The following MARCHF10 variants were observed in gnomAD, a reference collection of about 807,000 sequenced individuals.
MARCHF10 encodes the protein membrane associated ring-CH-type finger 10.
MARCHF10 carries 64 observed loss-of-function variants against 76.2 expected under a neutral mutation model. The observed-to-expected ratio is 0.84, with a 90% CI of 0.69 to 1.03. The LOEUF is 1.03. MARCHF10 is among the 50% of genes least tolerant of loss of function. MARCHF10 has a pLI of 0.00. For missense variants in MARCHF10, 875 were observed against 958.0 expected, an observed-to-expected ratio of 0.91 and a Z score of 1.14; for synonymous variants, 340 against 357.5, an observed-to-expected ratio of 0.95 and a Z score of 0.55.
chr17:62,775,117 C>A (rs2092524259), intron 3 of MARCHF10, among the ~76,000 whole-genome samples: 1 of 130,096 alleles, frequency 7.7e-6, no homozygotes, highest in African/African-American at 3.5e-5. Context: ...TTTCCCAGGT[C>A]TCCCCCTGGC....
At chr17:62,748,600 T>C (rs2091790213) in intron 4 of MARCHF10, among the ~76,000 whole-genome samples, 1 of 151,976 alleles carries the variant, frequency 6.6e-6, no homozygotes, top group South Asian at 2.1e-4. Flanking sequence ...AAATATTAGC[T>C]GGGTGTGCTG....
chr17:62,704,351 G>A (rs1180554556), intron 10 of MARCHF10, among the ~76,000 whole-genome samples: 1 of 152,124 alleles, frequency 6.6e-6, no homozygotes, highest in Admixed American at 6.5e-5. Context: ...CCGGGGTCGG[G>A]GGTGGCCGCG....
intron 2 of MARCHF10, among the ~76,000 whole-genome samples, chr17:62,789,847 T>C (rs889956335): frequency 2.6e-5 from 4 of 152,074 alleles, no homozygotes; most frequent in Non-Finnish European, 5.9e-5. Context: ...GGCATGAGAA[T>C]TGCTTGAACC....
At chr17:62,773,524 G>A (rs1191822974) in intron 3 of MARCHF10, among the ~76,000 whole-genome samples, 1 of 152,174 alleles carries the variant, frequency 6.6e-6, no homozygotes, top group Admixed American at 6.5e-5. Context: ...TGTGGGATAA[G>A]GAAGGGCTGT....
intron 1 of MARCHF10, among the ~76,000 whole-genome samples, chr17:62,807,327 A>C (rs1174872120): frequency 1.3e-5 from 2 of 151,744 alleles, no homozygotes; most frequent in Admixed American, 6.6e-5. Context: ...AGGTAAGGAG[A>C]TCTTTCAACT....
chr17:62,748,345 C>T (rs561439267), intron 4 of MARCHF10, among the ~76,000 whole-genome samples: 10 of 151,532 alleles, frequency 6.6e-5, no homozygotes, highest in African/African-American at 1.9e-4. Flanking sequence ...TGCAGTGAGC[C>T]GAGATCACAC....
At chr17:62,713,218 A>G (rs2090018857) in intron 8 of MARCHF10, among the ~76,000 whole-genome samples, 2 of 152,138 alleles carry the variant, frequency 1.3e-5, no homozygotes, top group South Asian at 2.1e-4. Flanking sequence ...CCTCCTGCAA[A>G]AGCTGCCAGT....
chr17:62,806,606 G>A (rs1568239769), intron 1 of MARCHF10: 1 of 152,148 alleles, frequency 6.6e-6, no homozygotes, highest in African/African-American at 2.4e-5. Flanking sequence ...AAGGAAGGAG[G>A]GGGTCCTGCC....
chr17:62,719,450 T>G (rs1488166745), intron 8 of MARCHF10, among the ~76,000 whole-genome samples: 3 of 152,234 alleles, frequency 2.0e-5, no homozygotes, highest in Non-Finnish European at 4.4e-5. Context: ...ACTGTAAATA[T>G]TTTGTTTCTC....
intron 4 of MARCHF10, among the ~76,000 whole-genome samples, chr17:62,756,989 G>A (rs921913726): frequency 6.6e-6 from 1 of 152,178 alleles, no homozygotes; most frequent in Non-Finnish European, 1.5e-5. Context: ...TGTTTGTAGA[G>A]GGCATTGATA....
At chr17:62,793,163 CCACCACCTCCATCACTA>C (rs2148153730) in intron 2 of MARCHF10, among the ~76,000 whole-genome samples, 1 of 144,706 alleles carries the variant, frequency 6.9e-6, no homozygotes, top group Admixed American at 6.9e-5. Context: ...ACCATCACCA[CCACCACCTCCATCACTA>C]CCACCACCAC....
At chr17:62,782,947 C>T (rs1205279083) in intron 3 of MARCHF10, among the ~76,000 whole-genome samples, 1 of 152,164 alleles carries the variant, frequency 6.6e-6, no homozygotes, top group Non-Finnish European at 1.5e-5. Context: ...AAGAATATCT[C>T]TAATGCAGAG....
intron 8 of MARCHF10, among the ~76,000 whole-genome samples, chr17:62,719,119 AAAGTGGAAATCACCTTC>A (rs995267351): frequency 2.0e-5 from 3 of 152,222 alleles, no homozygotes; most frequent in African/African-American, 7.2e-5. Flanking sequence ...GACTGCTTAT[AAAGTGGAAATCACCTTC>A]TAGATCAGCC....
chr17:62,716,513 A>G (rs2090205570), intron 8 of MARCHF10, among the ~76,000 whole-genome samples: 1 of 151,614 alleles, frequency 6.6e-6, no homozygotes, highest in Non-Finnish European at 1.5e-5. Flanking sequence ...AGGCAGGAGG[A>G]TCCCTTGAAC....
At chr17:62,807,793 C>T (rs2093185274) in intron 1 of MARCHF10, among the ~76,000 whole-genome samples, 1 of 152,114 alleles carries the variant, frequency 6.6e-6, no homozygotes, top group Non-Finnish European at 1.5e-5. Context: ...TCGACCATTT[C>T]GCATTCAGAA....
intron 8 of MARCHF10, among the ~76,000 whole-genome samples, chr17:62,715,340 C>T (rs376305093): frequency 6.6e-6 from 1 of 152,234 alleles, no homozygotes; most frequent in Admixed American, 6.5e-5. Flanking sequence ...AATGCCACCA[C>T]GCCCAATGGC....
At chr17:62,723,301 T>C (rs1227681798) in intron 7 of MARCHF10, among the ~76,000 whole-genome samples, 1 of 151,276 alleles carries the variant, frequency 6.6e-6, no homozygotes, top group South Asian at 2.1e-4. Context: ...CTGTTATGTC[T>C]AAGCAAACAT....
At chr17:62,769,258 A>T (rs1275738017) in intron 3 of MARCHF10, among the ~76,000 whole-genome samples, 1 of 152,204 alleles carries the variant, frequency 6.6e-6, no homozygotes, top group Non-Finnish European at 1.5e-5. Flanking sequence ...TCCCTTTGTA[A>T]CTAGCAGGTA....
intron 4 of MARCHF10, among the ~76,000 whole-genome samples, chr17:62,754,342 G>A (rs769479019): frequency 6.6e-6 from 1 of 152,192 alleles, no homozygotes; most frequent in African/African-American, 2.4e-5. Flanking sequence ...CAGAGTGCTC[G>A]GATTACAGGC....
Sources: allele counts gnomAD v4.1 joint callset (sites outside exome capture counted in the v4.1 genomes callset), GRCh38; gene constraint gnomAD v4.1.1; transcripts MANE v1.5; gene names NCBI Gene and HGNC (gene_info 2026-07-23, HGNC 2026-07-21).